The following EGFR variants were observed in gnomAD, a reference collection of about 807,000 sequenced individuals.
EGFR encodes epidermal growth factor receptor, also known as avian erythroblastic leukemia viral (v-erb-b) oncogene homolog.
In EGFR, 58 loss-of-function variants were observed where a neutral mutation model predicts 143.0. The observed-to-expected ratio is 0.41, with a 90% CI of 0.33 to 0.50. The LOEUF (loss-of-function observed/expected upper bound fraction) is 0.50, where lower values mean the gene tolerates loss of function less well. Ranked by LOEUF, EGFR falls within the 20% of genes least tolerant of loss-of-function variation. The pLI, the probability that EGFR is intolerant of heterozygous loss-of-function variation, is 0.39. For missense variants in EGFR, 1,307 were observed against 1,579.0 expected (o/e 0.83, Z 2.92); for synonymous variants, 613 against 594.4 (o/e 1.03, Z -0.45).
At chr7:55,150,114 C>T (rs1794953697) in intron 4 of EGFR, among the ~76,000 whole-genome samples, 1 of 152,042 alleles carries the variant, frequency 6.6e-6, no homozygotes, top group Admixed American at 6.5e-5. Context: ...AAATGTTTCC[C>T]GTTAGAAAAA....
chr7:55,039,503 G>A (rs11976065), intron 1 of EGFR, among the ~76,000 whole-genome samples: 4,557 of 152,238 alleles, frequency 0.03, 173 homozygotes, highest in African/African-American at 0.087. Context: ...AGAAAAGGTG[G>A]TGAAAGGCAC....
Position 55,174,795 on chromosome 7 carries a change from C to T in EGFR, c.2258C>T (p.Pro753Leu), listed in dbSNP as rs559717059. The stretch of plus-strand genomic sequence containing the variant: ...AAGGAATTAAGAGAAGCAACATCTC[C>T]GAAAGCCAACAAGGAAATCCTCGAT... ...AIKELREATS[P>L]KANKEILDEA... Residue 753 changes from proline (P) to leucine (L), a missense_variant, in exon 19 of 28, where the codon CCG becomes CTG. Pro to Leu is a moderately conservative substitution (Grantham distance 98, BLOSUM62 -3). This residue lies in a region of EGFR where 348 missense variants were observed against 451.5 expected (regional missense o/e 0.77). Coordinates refer to ENST00000275493, the MANE Select transcript of EGFR (RefSeq NM_005228.5). 1.1e-5 allele frequency: 17 copies of T among 1,613,926 alleles called. No individual in the cohort carries two copies. Among genetic ancestry groups the T allele is most frequent in the Non-Finnish European group, 1.4e-5 (17 of 1,179,934 alleles).
At chr7:55,041,494 A>T (rs11764242) in intron 1 of EGFR, among the ~76,000 whole-genome samples, 8 of 152,224 alleles carry the variant, frequency 5.3e-5, no homozygotes, top group Non-Finnish European at 7.3e-5. Context: ...ACATCGTACC[A>T]TGTACAGAGT....
At chr7:55,089,729 A>G (rs1288879790) in intron 1 of EGFR, among the ~76,000 whole-genome samples, 1 of 152,310 alleles carries the variant, frequency 6.6e-6, no homozygotes, top group East Asian at 1.9e-4. Flanking sequence ...TGTCTGAAAC[A>G]TGATCCAAAA....
At chr7:55,172,826 C>T in intron 16 of EGFR, 157 bp from the exon 17 acceptor site, 1 of 1,557,074 alleles carries the variant, frequency 6.4e-7, no homozygotes, top group South Asian at 1.2e-5. Context: ...GCCTTAGAAG[C>T]CTGTTTTTTC....
chr7:55,032,490 G>A (rs1787310841), intron 1 of EGFR, among the ~76,000 whole-genome samples: 1 of 152,160 alleles, frequency 6.6e-6, no homozygotes, highest in Non-Finnish European at 1.5e-5. Context: ...CTTTGCATGT[G>A]TGGCAGGCAG....
intron 1 of EGFR, among the ~76,000 whole-genome samples, chr7:55,120,517 C>A (rs1002894343): frequency 6.6e-6 from 1 of 152,306 alleles, no homozygotes; most frequent in Non-Finnish European, 1.5e-5. Context: ...TGCAAAGCAT[C>A]CCCCATTTTC....
In EGFR at chr7:55,191,775, C is replaced by T. The variant is rs1554353252; in HGVS notation, c.2526C>T (p.Asn842=). The T allele has an allele frequency of 1.1e-5, 18 of 1,614,038 alleles. No homozygotes were observed. Among genetic ancestry groups the T allele is most frequent in the Non-Finnish European group, 1.4e-5 (17 of 1,180,026 alleles). The change falls in exon 21 of 28, where the codon AAC becomes AAT. Residue 842 remains asparagine (N), a synonymous_variant. Coordinates refer to ENST00000275493, the MANE Select transcript of EGFR (RefSeq NM_005228.5). ...RLVHRDLAAR[N]VLVKTPQHVK... ...TGCACCGCGACCTGGCAGCCAGGAACGTACTGGTGAAAACACCGCAGCATG... is the reference window on the plus strand; with the variant it reads ...TGCACCGCGACCTGGCAGCCAGGAATGTACTGGTGAAAACACCGCAGCATG...
rs369717085 is a variant in EGFR at position 55,157,624 on chromosome 7, T to C, written c.1208-39T>C. On this transcript the variant is annotated intron_variant, in intron 10 of 27. Transcript: ENST00000275493. Reference sequence around the variant, plus strand: ...ATGTCTCATACAAAAAAGAAACTCCTACGTGGTGTGTGTCTGAAGTCTTTC... The same window carrying C: ...ATGTCTCATACAAAAAAGAAACTCCCACGTGGTGTGTGTCTGAAGTCTTTC... 8.2e-5 allele frequency: 129 copies of C among 1,569,112 alleles called. 1 individual carries two copies. Among genetic ancestry groups the C allele is most frequent in the Non-Finnish European group, 1.0e-4 (119 of 1,139,206 alleles).
At chr7:55,025,276 G>C (rs1040304848) in intron 1 of EGFR, among the ~76,000 whole-genome samples, 2 of 152,214 alleles carry the variant, frequency 1.3e-5, no homozygotes, top group African/African-American at 4.8e-5. Flanking sequence ...ACTATTGCCA[G>C]AGACAGAGGA....
intron 1 of EGFR, among the ~76,000 whole-genome samples, chr7:55,104,646 A>T (rs542301311): frequency 1.3e-5 from 2 of 152,326 alleles, no homozygotes; most frequent in African/African-American, 4.8e-5. Context: ...TCGGCGTGTG[A>T]AGTCCCAAAG....
At chr7:55,047,712 T>C (rs1439392952) in intron 1 of EGFR, among the ~76,000 whole-genome samples, 1 of 152,122 alleles carries the variant, frequency 6.6e-6, no homozygotes, top group African/African-American at 2.4e-5. Flanking sequence ...GATCGCATCA[T>C]TGTACTCCAG....
intron 20 of EGFR, among the ~76,000 whole-genome samples, chr7:55,184,775 G>T (rs1434953364): frequency 6.6e-6 from 1 of 152,206 alleles, no homozygotes. Context: ...TCATTCCTCT[G>T]TATTTGAATA....
chr7:55,178,583 G>A (rs769128644), intron 19 of EGFR, among the ~76,000 whole-genome samples: 2 of 152,134 alleles, frequency 1.3e-5, no homozygotes, highest in Non-Finnish European at 2.9e-5. Context: ...CGTTCACCTC[G>A]TCAGCCTCAG....
chr7:55,151,899 CAAT>C (rs890556768), intron 5 of EGFR, among the ~76,000 whole-genome samples: 35 of 145,810 alleles, frequency 2.4e-4, no homozygotes, highest in Non-Finnish European at 4.4e-4. Context: ...ACAACAACAA[CAAT>C]AAGTGAACAT....
intron 23 of EGFR, among the ~76,000 whole-genome samples, chr7:55,200,053 G>A (rs1364863993): frequency 2.0e-5 from 3 of 152,222 alleles, no homozygotes; most frequent in African/African-American, 7.2e-5. Context: ...GCGTAACACA[G>A]GATGCTGACC....
chr7:55,036,270 GT>G (rs376666745), intron 1 of EGFR, among the ~76,000 whole-genome samples: 1,132 of 33,850 alleles, frequency 0.033, 13 homozygotes, highest in African/African-American at 0.049. Context: ...TTGTGTGTGT[GT>G]GGGGGGGGGG....
intron 1 of EGFR, among the ~76,000 whole-genome samples, chr7:55,132,931 C>G (rs887425204): frequency 4.6e-5 from 7 of 152,204 alleles, no homozygotes; most frequent in Non-Finnish European, 5.9e-5. Context: ...AAAGGGTCAT[C>G]ATGCAACCTC....
intron 1 of EGFR, among the ~76,000 whole-genome samples, chr7:55,041,799 T>A (rs2128869649): frequency 6.6e-6 from 1 of 152,348 alleles, no homozygotes; most frequent in African/African-American, 2.4e-5. Context: ...TTCTTACTTA[T>A]TTTACTTTTC....
Sources: gnomAD v4.1 joint callset for allele counts (sites outside exome capture counted in the v4.1 genomes callset) on GRCh38, gnomAD v4.1.1 for gene constraint, gnomAD v4.1.1 regional missense constraint, MANE v1.5 for transcripts, NCBI Gene and HGNC (gene_info 2026-07-23, HGNC 2026-07-21) for gene names.